The following ADAM12 variants were observed in gnomAD, a reference collection of about 807,000 sequenced individuals.
The protein encoded by ADAM12 is ADAM metallopeptidase domain 12, also known as disintegrin and metalloproteinase domain-containing protein 12.
In ADAM12, 70 loss-of-function variants were observed where a neutral mutation model predicts 106.4. The observed-to-expected ratio is 0.66, with a 90% CI of 0.54 to 0.80. The LOEUF (loss-of-function observed/expected upper bound fraction) is 0.80, where lower values mean the gene tolerates loss of function less well. ADAM12 is among the 30% of genes least tolerant of loss of function. The pLI is 0.00. For synonymous variants in ADAM12, 420 were observed against 433.5 expected (o/e 0.97, Z 0.39); for missense variants, 1,010 against 1,171.9 (o/e 0.86, Z 2.02).
intron 2 of ADAM12, among the ~76,000 whole-genome samples, chr10:126,327,712 G>T (rs1475188531): frequency 6.6e-6 from 1 of 152,052 alleles, no homozygotes; most frequent in Non-Finnish European, 1.5e-5. Context: ...AACACTGCAT[G>T]TCACCTCTGG....
At chr10:126,307,678 C>T (rs1187665060) in intron 2 of ADAM12, among the ~76,000 whole-genome samples, 1 of 152,110 alleles carries the variant, frequency 6.6e-6, no homozygotes, top group Non-Finnish European at 1.5e-5. Flanking sequence ...GTAGCTGGGA[C>T]TTCAGGTGCA....
At chr10:126,080,714 AG>A (rs67757433) in intron 11 of ADAM12, among the ~76,000 whole-genome samples, 27,105 of 151,944 alleles carry the variant, frequency 0.18, 2,834 homozygotes, top group South Asian at 0.28. Flanking sequence ...AAAAATAAAA[AG>A]AGGATGAAAC....
chr10:126,351,277 G>A lies in ADAM12; in HGVS notation c.89-20768C>T, dbSNP rs544977332. ...CAGCTGTCCGGACCTCACCAGATGT[G>A]TCCTGGTTGTGACTGGCTTCTGGGA... On this transcript the variant is annotated intron_variant, in intron 1 of 22. Transcript: ENST00000448723. Among the ~76,000 whole-genome samples, 25 of 151,302 alleles carry A rather than the reference G, an allele frequency of 1.7e-4. No homozygotes were observed. In the East Asian group the frequency reaches 4.5e-3, roughly 27 times the overall value.
At chr10:126,290,808 CCTT>C (rs1286808171) in intron 2 of ADAM12, among the ~76,000 whole-genome samples, 1 of 152,156 alleles carries the variant, frequency 6.6e-6, no homozygotes, top group African/African-American at 2.4e-5. Context: ...TAGCTTTCCC[CCTT>C]CTTCTATATG....
chr10:126,303,045 C>T (rs1009558002), intron 2 of ADAM12, among the ~76,000 whole-genome samples: 2 of 152,162 alleles, frequency 1.3e-5, no homozygotes, highest in Admixed American at 1.3e-4. Context: ...AGGACACTGA[C>T]ACCCAGAGGA....
intron 1 of ADAM12, among the ~76,000 whole-genome samples, chr10:126,385,094 G>A (rs567515093): frequency 1.0e-3 from 153 of 152,326 alleles, no homozygotes; most frequent in Non-Finnish European, 1.5e-3. Flanking sequence ...AATGAAGGAT[G>A]TAATTAGGGA....
chr10:126,089,855 C>G (rs1955429512), intron 11 of ADAM12, among the ~76,000 whole-genome samples: 1 of 152,158 alleles, frequency 6.6e-6, no homozygotes, highest in South Asian at 2.1e-4. Context: ...CCCCCAAACC[C>G]CCACTTAAAG....
intron 2 of ADAM12, among the ~76,000 whole-genome samples, chr10:126,311,094 TACACACACACACACACAC>T (rs67514376): frequency 2.1e-4 from 29 of 138,572 alleles, no homozygotes; most frequent in African/African-American, 6.4e-4. Context: ...TACACACAAA[TACACACACACACACACAC>T]ACACACACAC....
At chr10:126,383,610 G>T (rs989519051) in intron 1 of ADAM12, among the ~76,000 whole-genome samples, 2 of 151,552 alleles carry the variant, frequency 1.3e-5, no homozygotes, top group African/African-American at 4.8e-5. Context: ...CTTCCAAAAA[G>T]AAAAAAAGAC....
intron 17 of ADAM12, 94 bp downstream of exon 17, chr10:126,045,961 A>G: frequency 1.7e-6 from 2 of 1,147,244 alleles, no homozygotes; most frequent in South Asian, 1.3e-5. Context: ...CTCTATTTAA[A>G]AAATGCTATG....
At chr10:126,177,255 GAA>G (rs951191447) in intron 3 of ADAM12, among the ~76,000 whole-genome samples, 1 of 143,374 alleles carries the variant, frequency 7.0e-6, no homozygotes. Context: ...ATTGTAAATG[GAA>G]AAAAAAAAAG....
At chr10:126,228,662 C>G in intron 3 of ADAM12, among the ~76,000 whole-genome samples, 1 of 152,138 alleles carries the variant, frequency 6.6e-6, no homozygotes, top group East Asian at 1.9e-4. Flanking sequence ...CTTTGTTGCA[C>G]ATTTTTGTCC....
intron 3 of ADAM12, among the ~76,000 whole-genome samples, chr10:126,278,280 G>A (rs1959373983): frequency 6.6e-6 from 1 of 152,068 alleles, no homozygotes; most frequent in South Asian, 2.1e-4. Flanking sequence ...GGATAGCCAG[G>A]GTGCAAAGAA....
intron 8 of ADAM12, among the ~76,000 whole-genome samples, chr10:126,107,067 CACAT>C (rs1335178802): frequency 4.6e-5 from 7 of 152,182 alleles, no homozygotes; most frequent in Non-Finnish European, 8.8e-5. Flanking sequence ...TACACAAACA[CACAT>C]ACATGCATGC....
intron 3 of ADAM12, among the ~76,000 whole-genome samples, chr10:126,271,353 C>T (rs1430811137): frequency 6.6e-6 from 1 of 152,222 alleles, no homozygotes; most frequent in Non-Finnish European, 1.5e-5. Context: ...TAACTACTTA[C>T]TCCTTCCCAC....
At chr10:126,039,479 A>G in intron 18 of ADAM12, 50 bp from the exon 19 acceptor site, 1 of 1,609,616 alleles carries the variant, frequency 6.2e-7, no homozygotes, top group Non-Finnish European at 8.5e-7. Context: ...ACAATGAAAT[A>G]TGGGAGGTAT....
chr10:126,262,282 G>C (rs904558792), intron 3 of ADAM12, among the ~76,000 whole-genome samples: 2 of 152,054 alleles, frequency 1.3e-5, no homozygotes, highest in African/African-American at 4.8e-5. Context: ...TAGTATTTGT[G>C]TTGGTTTTCA....
At chr10:126,270,131 T>C (rs889257292) in intron 3 of ADAM12, among the ~76,000 whole-genome samples, 16 of 152,220 alleles carry the variant, frequency 1.1e-4, no homozygotes, top group African/African-American at 3.9e-4. Context: ...CCGAAGTGCA[T>C]GTAGCTTGAG....
chr10:126,036,128 T>A lies in ADAM12; in HGVS notation c.2529+18A>T. On this transcript the variant is annotated intron_variant, in intron 21 of 22. Coordinates refer to ENST00000448723, the MANE Select transcript of ADAM12 (RefSeq NM_001288973.2). ...TGGATTTGAACTACATCCTATCATA[T>A]TAGTACTGAAAGCATACCTGGGCCT... The A allele has an allele frequency of 1.4e-6, 2 of 1,422,554 alleles. No homozygotes were observed. The highest frequency in any genetic ancestry group is 2.8e-5 in the East Asian group (1 of 36,288). 88.1% of individuals were successfully genotyped at this position (1,422,554 alleles called of 1,614,324 possible).
Sources: gnomAD v4.1 joint callset for allele counts (sites outside exome capture counted in the v4.1 genomes callset) on GRCh38, gnomAD v4.1.1 for gene constraint, MANE v1.5 for transcripts, NCBI Gene and HGNC (gene_info 2026-07-23, HGNC 2026-07-21) for gene names.